GHR: variants seen among roughly 807,000 people sequenced by gnomAD.
GHR encodes the protein growth hormone receptor.
Under a neutral mutation model 67.1 loss-of-function variants are expected in GHR, and 35 were observed. The observed-to-expected ratio is 0.52, with a 90% confidence interval of 0.40 to 0.69. The LOEUF (loss-of-function observed/expected upper bound fraction) is 0.69, where lower values mean the gene tolerates loss of function less well. Ranked by LOEUF, GHR falls within the 30% of genes least tolerant of loss-of-function variation. The pLI, the probability that GHR is intolerant of heterozygous loss-of-function variation, is 0.00. For synonymous variants in GHR, 272 were observed against 269.1 expected, an observed-to-expected ratio of 1.01 and a Z score of -0.10; for missense variants, 792 against 764.6, an observed-to-expected ratio of 1.04 and a Z score of -0.42.
chr5:42,588,399 A>T (rs560756130), intron 2 of GHR, among the ~76,000 whole-genome samples: 1 of 152,144 alleles, frequency 6.6e-6, no homozygotes, highest in South Asian at 2.1e-4. Flanking sequence ...ACACGCCTGT[A>T]GTCCCAGCTA....
At chr5:42,428,845 T>C (rs1394772148) in intron 1 of GHR, among the ~76,000 whole-genome samples, 14 of 152,136 alleles carry the variant, frequency 9.2e-5, no homozygotes, top group Non-Finnish European at 1.5e-5. Context: ...ATTCAACAAG[T>C]CTCTAGGAAG....
chr5:42,522,562 A>G (rs2112309730), intron 1 of GHR, among the ~76,000 whole-genome samples: 1 of 152,324 alleles, frequency 6.6e-6, no homozygotes, highest in Non-Finnish European at 1.5e-5. Flanking sequence ...GTTTAAATAC[A>G]AAGGAAAATC....
intron 3 of GHR, among the ~76,000 whole-genome samples, chr5:42,649,796 T>C (rs2112819014): frequency 6.6e-6 from 1 of 152,284 alleles, no homozygotes; most frequent in Non-Finnish European, 1.5e-5. Context: ...GGGCATAGAG[T>C]GGGGTGATTT....
At chr5:42,427,849 A>G (rs1254221559) in intron 1 of GHR, among the ~76,000 whole-genome samples, 1 of 152,232 alleles carries the variant, frequency 6.6e-6, no homozygotes, top group East Asian at 1.9e-4. Flanking sequence ...TCCAAAGTCT[A>G]ATAGGGCAGT....
chr5:42,673,843 A>C (rs1274334377), intron 3 of GHR, among the ~76,000 whole-genome samples: 1 of 152,148 alleles, frequency 6.6e-6, no homozygotes, highest in Non-Finnish European at 1.5e-5. Context: ...GGGTGATGGG[A>C]TCAATCATAC....
chr5:42,603,947 A>G lies in GHR; in HGVS notation c.71-25091A>G, dbSNP rs149666335. 4.3e-3 allele frequency among the ~76,000 whole-genome samples: 662 copies of G among 152,326 alleles called. 4 individuals are homozygous for G. Among genetic ancestry groups the G allele is most frequent in the African/African-American group, 0.015 (640 of 41,582 alleles). On this transcript the variant is annotated intron_variant, in intron 2 of 9. Coordinates refer to ENST00000230882, the MANE Select transcript of GHR (RefSeq NM_000163.5). ...CTTCTTACTGACTGGCTATAAACTG[A>G]GGTTCCCACAACCCCCTTCTGAGGT... is the stretch of plus-strand genomic sequence containing the variant.
intron 1 of GHR, among the ~76,000 whole-genome samples, chr5:42,513,553 C>T (rs984853805): frequency 5.3e-5 from 8 of 152,064 alleles, no homozygotes; most frequent in Non-Finnish European, 2.9e-5. Context: ...TTTGGGAGGC[C>T]GAGGTGGGCC....
At chr5:42,540,577 A>G (rs1206475930) in intron 1 of GHR, among the ~76,000 whole-genome samples, 1 of 152,084 alleles carries the variant, frequency 6.6e-6, no homozygotes, top group African/African-American at 2.4e-5. Context: ...TCACTTTTCT[A>G]AAAGTTATGA....
chr5:42,718,101 A>G lies in GHR; in HGVS notation c.925A>G (p.Ile309Val). The G allele has an allele frequency of 6.5e-7, 1 of 1,532,926 alleles. No individual in the cohort carries two copies. Among genetic ancestry groups the G allele is most frequent in the Non-Finnish European group, 9.0e-7 (1 of 1,106,012 alleles). 95.0% of individuals were successfully genotyped at this position (1,532,926 alleles called of 1,614,324 possible). Residue 309 changes from isoleucine (I) to valine (V), a missense_variant, in exon 9 of 10, where the codon ATC becomes GTC. Transcript: ENST00000230882. ...AGTTCCAGTTCCAAAGATTAAAGGA[A>G]TCGATCCAGATCTCCTCAAGGTAAC... Reference protein sequence around the residue: ...PPVPVPKIKGIDPDLLKEGKL... With the variant: ...PPVPVPKIKGVDPDLLKEGKL...
At chr5:42,429,170 G>C (rs1478900899) in intron 1 of GHR, among the ~76,000 whole-genome samples, 2 of 152,244 alleles carry the variant, frequency 1.3e-5, no homozygotes, top group African/African-American at 4.8e-5. Context: ...AATCATGGCA[G>C]AAGGTGAAGG....
chr5:42,684,223 GT>G (rs1176728065), intron 3 of GHR, among the ~76,000 whole-genome samples: 1 of 152,124 alleles, frequency 6.6e-6, no homozygotes, highest in East Asian at 1.9e-4. Context: ...AAAGTACTTT[GT>G]GTCTCATCTA....
chr5:42,538,463 G>C (rs1368341011), intron 1 of GHR, among the ~76,000 whole-genome samples: 1 of 152,108 alleles, frequency 6.6e-6, no homozygotes, highest in Non-Finnish European at 1.5e-5. Flanking sequence ...GAAAATTTTG[G>C]ACTAATAATT....
intron 3 of GHR, among the ~76,000 whole-genome samples, chr5:42,660,868 T>C (rs1224678188): frequency 6.6e-6 from 1 of 152,130 alleles, no homozygotes; most frequent in Non-Finnish European, 1.5e-5. Flanking sequence ...GAAAAAAATT[T>C]AGAAGAATGT....
chr5:42,706,672 T>G (rs1369766729), intron 6 of GHR, among the ~76,000 whole-genome samples: 1 of 152,174 alleles, frequency 6.6e-6, no homozygotes, highest in Non-Finnish European at 1.5e-5. Context: ...TTTTGTCAAC[T>G]TTGTCAAATA....
intron 2 of GHR, among the ~76,000 whole-genome samples, chr5:42,577,933 C>A (rs536579696): frequency 6.6e-6 from 1 of 152,120 alleles, no homozygotes; most frequent in East Asian, 1.9e-4. Context: ...TTATATAGTA[C>A]GTTAAGTAAA....
intron 2 of GHR, among the ~76,000 whole-genome samples, chr5:42,606,995 T>C (rs903440108): frequency 3.9e-5 from 6 of 152,098 alleles, no homozygotes; most frequent in East Asian, 3.9e-4. Flanking sequence ...CACCCAAAGA[T>C]TGATCATGGG....
intron 3 of GHR, among the ~76,000 whole-genome samples, chr5:42,668,587 AAAAT>A (rs1311706198): frequency 6.6e-6 from 1 of 152,182 alleles, no homozygotes; most frequent in African/African-American, 2.4e-5. Context: ...AGACCTGAAA[AAAAT>A]AAAAAATTAA....
At chr5:42,595,134 G>A (rs535268160) in intron 2 of GHR, among the ~76,000 whole-genome samples, 1 of 152,234 alleles carries the variant, frequency 6.6e-6, no homozygotes, top group Admixed American at 6.5e-5. Context: ...AGGCCAAAAT[G>A]TGTTTATTAA....
At chr5:42,467,712 A>G in intron 1 of GHR, 1 of 1,573,398 alleles carries the variant, frequency 6.4e-7, no homozygotes, top group Non-Finnish European at 8.7e-7. Flanking sequence ...CACACTCATG[A>G]CATTCAAAAG....
Sources: allele counts gnomAD v4.1 joint callset (sites outside exome capture counted in the v4.1 genomes callset), GRCh38; gene constraint gnomAD v4.1.1; transcripts MANE v1.5; gene names NCBI Gene and HGNC (gene_info 2026-07-23, HGNC 2026-07-21).